The following BIVM variants were observed in gnomAD, a reference collection of about 807,000 sequenced individuals.
The protein encoded by BIVM is basic, immunoglobulin-like variable motif containing, also known as basic immunoglobulin-like variable motif-containing protein.
In BIVM, 31 loss-of-function variants were observed where a neutral mutation model predicts 61.4. The ratio of observed to expected loss-of-function variants is 0.51; its 90% confidence interval spans 0.38 to 0.68. The LOEUF (loss-of-function observed/expected upper bound fraction) is 0.68. Among genes scored for constraint, BIVM ranks in the 30% least tolerant of loss-of-function variants. The pLI is 0.00. For missense variants in BIVM, 526 were observed against 596.0 expected (o/e 0.88, Z 1.22); for synonymous variants, 189 against 210.7 (o/e 0.90, Z 0.89).
intron 7 of BIVM, among the ~76,000 whole-genome samples, chr13:102,826,139 G>T (rs557510910): frequency 6.6e-6 from 1 of 152,230 alleles, no homozygotes; most frequent in Non-Finnish European, 1.5e-5. Flanking sequence ...TCCAAAGCTG[G>T]CATTCTTCCT....
chr13:102,810,065 G>A (rs1879395310), intron 3 of BIVM, among the ~76,000 whole-genome samples: 1 of 151,954 alleles, frequency 6.6e-6, no homozygotes, highest in African/African-American at 2.4e-5. Flanking sequence ...GAGCCACCCC[G>A]CCCAGCCCTT....
chr13:102,828,933 G>A (rs1880864862), intron 7 of BIVM, among the ~76,000 whole-genome samples: 1 of 152,098 alleles, frequency 6.6e-6, no homozygotes, highest in African/African-American at 2.4e-5. Flanking sequence ...GGGAGGCTGA[G>A]GCACGAGAAT....
chr13:102,816,295 T>C, intron 3 of BIVM, 133 bp from the exon 4 acceptor site: 1 of 822,614 alleles, frequency 1.2e-6, no homozygotes. Context: ...TTATTTGTTA[T>C]TATTTTTTCT....
chr13:102,825,014 C>T (rs1880572354), intron 7 of BIVM, among the ~76,000 whole-genome samples: 1 of 151,976 alleles, frequency 6.6e-6, no homozygotes, highest in Non-Finnish European at 1.5e-5. Flanking sequence ...GCGATCTTGG[C>T]TCACTGCAAG....
intron 9 of BIVM, among the ~76,000 whole-genome samples, chr13:102,838,336 A>G (rs775239284): frequency 1.3e-5 from 2 of 152,224 alleles, no homozygotes; most frequent in Non-Finnish European, 1.5e-5. Context: ...CTTGACTGTA[A>G]TTGAAAAGGA....
At chr13:102,801,079 G>C (rs1433412618) in intron 1 of BIVM, among the ~76,000 whole-genome samples, 1 of 152,166 alleles carries the variant, frequency 6.6e-6, no homozygotes, top group Non-Finnish European at 1.5e-5. Context: ...AGAACACTTC[G>C]TTCAGTGACT....
Position 102,799,340 on chromosome 13 carries a change from A to C in BIVM, c.-388A>C. On this transcript the variant is annotated 5_prime_UTR_variant, in exon 1 of 11. It removes an upstream start codon present in the reference 5' UTR. Coordinates refer to ENST00000257336, the MANE Select transcript of BIVM (RefSeq NM_017693.4). The stretch of plus-strand genomic sequence containing the variant: ...GCACCTTGAAAGGAAGGTGCTGTCA[A>C]TGCTATCCGACGACCTGTCGCCGGG... 1.2e-5 allele frequency: 2 copies of C among 161,104 alleles called. No individual in the cohort carries two copies. Among genetic ancestry groups the C allele is most frequent in the African/African-American group, 2.4e-5 (1 of 41,976 alleles). 10.0% of individuals were successfully genotyped at this position (161,104 alleles called of 1,614,324 possible).
chr13:102,831,873 C>CAAAAA (rs67223159), intron 8 of BIVM, among the ~76,000 whole-genome samples, 176 bp downstream of exon 8: 13 of 105,570 alleles, frequency 1.2e-4, no homozygotes, highest in Admixed American at 3.1e-4. Context: ...ACTAAAAATA[C>CAAAAA]AAAAAAAAAA....
At chr13:102,817,869 A>C (rs1271143798) in intron 4 of BIVM, among the ~76,000 whole-genome samples, 1 of 152,186 alleles carries the variant, frequency 6.6e-6, no homozygotes, top group Non-Finnish European at 1.5e-5. Context: ...GACATTTTAG[A>C]AATATATTTT....
Position 102,839,781 on chromosome 13 carries a change from C to T in BIVM, c.1428C>T (p.Asp476=). 6.2e-7 allele frequency: 1 copy of T among 1,614,158 alleles called. No individual in the cohort carries two copies. The highest frequency in any genetic ancestry group is 2.2e-5 in the East Asian group (1 of 44,876). ...GRSFSASFHQ[D]SAWKKMSSIH... ...CTTTCAGTGCTAGTTTCCATCAGGA[C>T]TCGGCATGGAAAAAGATGTCTAGTA... Residue 476 remains aspartate, a synonymous_variant, in exon 11 of 11, where the codon GAC becomes GAT. Coordinates refer to ENST00000257336, the MANE Select transcript of BIVM (RefSeq NM_017693.4).
At chr13:102,809,434 T>C (rs1374406299) in intron 3 of BIVM, among the ~76,000 whole-genome samples, 1 of 152,244 alleles carries the variant, frequency 6.6e-6, no homozygotes, top group Non-Finnish European at 1.5e-5. Context: ...TCTTGGTGAA[T>C]GTGCCATGTG....
intron 7 of BIVM, among the ~76,000 whole-genome samples, chr13:102,824,707 A>G (rs1335071703): frequency 6.6e-6 from 1 of 152,186 alleles, no homozygotes; most frequent in Non-Finnish European, 1.5e-5. Flanking sequence ...TGAATATCAC[A>G]TAATTTTCAC....
chr13:102,823,927 G>C (rs1419605955), intron 7 of BIVM, among the ~76,000 whole-genome samples: 1 of 152,064 alleles, frequency 6.6e-6, no homozygotes, highest in Non-Finnish European at 1.5e-5. Flanking sequence ...TGATTTTGCT[G>C]TCTCTTGTTT....
At position 102,834,277 on chromosome 13, in the gene BIVM, AAATTTT is replaced by A. The variant is rs541476776; in HGVS notation, c.1035-183_1035-178del. 8.3e-4 allele frequency among the ~76,000 whole-genome samples: 126 copies of A among 152,340 alleles called. 1 individual carries two copies. The highest frequency in any genetic ancestry group is 3.4e-3 in the Middle Eastern group (1 of 294). ...GATTTTGAATAGAGGATTAAGGCTG[AAATTTT>A]AATTTGTGAGTTCTCTTTAATGGCC... On this transcript the variant is annotated intron_variant, in intron 8 of 10. Coordinates refer to ENST00000257336, the MANE Select transcript of BIVM (RefSeq NM_017693.4).
intron 2 of BIVM, among the ~76,000 whole-genome samples, chr13:102,805,803 G>C (rs767907318): frequency 8.5e-5 from 13 of 152,146 alleles, no homozygotes; most frequent in South Asian, 2.1e-4. Context: ...TAATGTTTTC[G>C]GGGTTCATCC....
chr13:102,816,683 A>T (rs1879886439), intron 4 of BIVM, 129 bp downstream of exon 4: 1 of 879,938 alleles, frequency 1.1e-6, no homozygotes, highest in Non-Finnish European at 1.5e-6. Flanking sequence ...TATTACCAGG[A>T]TTTCTGAATA....
At chr13:102,837,975 C>G (rs561574286) in intron 9 of BIVM, among the ~76,000 whole-genome samples, 154 of 152,106 alleles carry the variant, frequency 1.0e-3, no homozygotes, top group Non-Finnish European at 1.4e-3. Flanking sequence ...GATGGGTGCA[C>G]TAAAATCTCA....
rs1345518161 is a variant in BIVM at position 102,807,600 on chromosome 13, T to C, written c.333T>C (p.Gly111=). Residue 111 remains glycine (G), a synonymous_variant, in exon 3 of 11, where the codon GGT becomes GGC. Coordinates refer to ENST00000257336, the MANE Select transcript of BIVM (RefSeq NM_017693.4). The surrounding 1 kb of genome is among the most constrained non-coding windows in gnomAD (Gnocchi z 4.0). ...GAAATAATTCATCAAGATACATTGGTATCCCGACTAGTACATCGGAAATTA... is the reference window on the plus strand; with the variant it reads ...GAAATAATTCATCAAGATACATTGGCATCCCGACTAGTACATCGGAAATTA... The part of the protein sequence containing the change: ...SAGNNSSRYI[G]IPTSTSEIIY... 1.9e-6 allele frequency: 3 copies of C among 1,614,190 alleles called. No homozygotes were observed. The highest frequency in any genetic ancestry group is 2.7e-5 in the African/African-American group (2 of 75,044).
Position 102,821,031 on chromosome 13 carries a change from T to C in BIVM, c.606-6T>C, listed in dbSNP as rs771028967. 1 of 1,605,862 alleles carries C rather than the reference T, an allele frequency of 6.2e-7. No individual in the cohort carries two copies. Among genetic ancestry groups the C allele is most frequent in the East Asian group, 2.2e-5 (1 of 44,738 alleles). ...AAGTGAAGAAAACAGTCTTTTGTGT[T>C]CTCAGGTACTGCATAAGCCGACCAC... is the stretch of plus-strand genomic sequence containing the variant. On this transcript the variant is annotated splice_polypyrimidine_tract_variant and splice_region_variant and intron_variant, in intron 4 of 10. Transcript: ENST00000257336.
Sources: gnomAD v4.1 joint callset for allele counts (sites outside exome capture counted in the v4.1 genomes callset) on GRCh38, gnomAD v4.1.1 for gene constraint, Gnocchi (gnomAD v3.1) non-coding constraint, MANE v1.5 for transcripts, NCBI Gene and HGNC (gene_info 2026-07-23, HGNC 2026-07-21) for gene names.